Variants in CSMD3 observed in about 807,000 individuals in gnomAD.
CSMD3 encodes CUB and sushi domain-containing protein 3.
A neutral mutation model predicts 435.2 loss-of-function variants in CSMD3; 177 were observed. The ratio of observed to expected loss-of-function variants is 0.41; its 90% CI spans 0.36 to 0.46. The LOEUF (loss-of-function observed/expected upper bound fraction) is 0.46, where lower values mean the gene tolerates loss of function less well. Among genes scored for constraint, CSMD3 ranks in the 20% least tolerant of loss-of-function variants. The probability of loss-of-function intolerance (pLI) is 0.34; values close to 1 mark genes in which losing one functional copy is unlikely to be tolerated. For missense variants in CSMD3, 4,265 were observed against 4,504.6 expected, an observed-to-expected ratio of 0.95 and a Z score of 1.52; for synonymous variants, 1,656 against 1,520.5, an observed-to-expected ratio of 1.09 and a Z score of -2.07.
chr8:112,701,874 T>C (rs1277375689), intron 13 of CSMD3, among the ~76,000 whole-genome samples: 1 of 152,122 alleles, frequency 6.6e-6, no homozygotes, highest in East Asian at 1.9e-4. Flanking sequence ...ATTCTCTGAG[T>C]GTATAAAACA....
intron 3 of CSMD3, among the ~76,000 whole-genome samples, chr8:113,274,589 GA>G (rs2093555112): frequency 6.6e-6 from 1 of 152,012 alleles, no homozygotes; most frequent in Non-Finnish European, 1.5e-5. Context: ...TAGACAGTTT[GA>G]AAAATGTAGA....
intron 27 of CSMD3, among the ~76,000 whole-genome samples, chr8:112,537,515 C>A (rs1199149784): frequency 6.6e-6 from 1 of 151,720 alleles, no homozygotes; most frequent in African/African-American, 2.4e-5. Context: ...AAGAGAGAAG[C>A]CTCAGGTAAA....
intron 13 of CSMD3, among the ~76,000 whole-genome samples, chr8:112,773,539 C>G (rs1014276201): frequency 1.3e-5 from 2 of 152,126 alleles, no homozygotes; most frequent in Admixed American, 1.3e-4. Flanking sequence ...GCAACATGTA[C>G]AGCAAGACAA....
chr8:112,260,021 T>G (rs1298433999), intron 61 of CSMD3, among the ~76,000 whole-genome samples: 1 of 152,162 alleles, frequency 6.6e-6, no homozygotes, highest in Non-Finnish European at 1.5e-5. Flanking sequence ...ATCCGTGAAT[T>G]TTCATGTATA....
chr8:112,563,023 A>C (rs546426393), intron 24 of CSMD3, among the ~76,000 whole-genome samples: 1 of 151,874 alleles, frequency 6.6e-6, no homozygotes, highest in Non-Finnish European at 1.5e-5. Flanking sequence ...TTTAACTATA[A>C]AGCAGAATGT....
intron 4 of CSMD3, among the ~76,000 whole-genome samples, chr8:113,137,495 A>C (rs2091445555): frequency 6.6e-6 from 1 of 151,656 alleles, no homozygotes; most frequent in Non-Finnish European, 1.5e-5. Context: ...AGACTGAGTA[A>C]TTTATAAAAA....
chr8:113,386,593 T>G (rs533117404), intron 1 of CSMD3, among the ~76,000 whole-genome samples: 1 of 151,724 alleles, frequency 6.6e-6, no homozygotes, highest in African/African-American at 2.4e-5. Context: ...AAAATCATAT[T>G]TCACAAGCAA....
intron 45 of CSMD3, among the ~76,000 whole-genome samples, chr8:112,326,920 G>C (rs1020300279): frequency 1.3e-5 from 2 of 152,180 alleles, no homozygotes; most frequent in African/African-American, 2.4e-5. Flanking sequence ...TACTTGGGAG[G>C]CTGAGGCAGA....
intron 31 of CSMD3, among the ~76,000 whole-genome samples, chr8:112,483,899 A>T (rs1819868521): frequency 6.6e-6 from 1 of 152,146 alleles, no homozygotes; most frequent in Non-Finnish European, 1.5e-5. Flanking sequence ...ATTTTTCTCT[A>T]AGGATCAAGA....
chr8:113,101,749 G>T (rs901861047), intron 4 of CSMD3, among the ~76,000 whole-genome samples: 22 of 151,974 alleles, frequency 1.4e-4, no homozygotes, highest in African/African-American at 5.1e-4. Flanking sequence ...CTCTTGTACT[G>T]AGTTCTATGC....
chr8:113,025,990 C>T (rs1445894213), intron 5 of CSMD3, among the ~76,000 whole-genome samples: 1 of 152,140 alleles, frequency 6.6e-6, no homozygotes, highest in Non-Finnish European at 1.5e-5. Context: ...GGATGCACTA[C>T]AGCTATGGGT....
intron 1 of CSMD3, among the ~76,000 whole-genome samples, chr8:113,369,929 T>C (rs1194173602): frequency 6.6e-6 from 1 of 151,682 alleles, no homozygotes; most frequent in African/African-American, 2.4e-5. Flanking sequence ...GATTGGGAGA[T>C]GTTGGTAAAA....
intron 1 of CSMD3, among the ~76,000 whole-genome samples, chr8:113,372,193 G>T (rs564134740): frequency 3.9e-5 from 6 of 152,160 alleles, no homozygotes; most frequent in African/African-American, 1.4e-4. Flanking sequence ...AAGGTATTTT[G>T]TAATTTAAAA....
intron 13 of CSMD3, among the ~76,000 whole-genome samples, chr8:112,729,233 A>C (rs1319503771): frequency 6.6e-6 from 1 of 152,032 alleles, no homozygotes; most frequent in Non-Finnish European, 1.5e-5. Flanking sequence ...GCAAAAGAAC[A>C]AGAGTGTTCT....
At chr8:112,582,125 A>T (rs1412378717) in intron 23 of CSMD3, among the ~76,000 whole-genome samples, 2 of 151,990 alleles carry the variant, frequency 1.3e-5, no homozygotes, top group African/African-American at 4.8e-5. Context: ...ATGGTTTAGC[A>T]CCATCCCATT....
chr8:113,377,976 G>A (rs1408815032), intron 1 of CSMD3, among the ~76,000 whole-genome samples: 1 of 152,036 alleles, frequency 6.6e-6, no homozygotes, highest in Non-Finnish European at 1.5e-5. Flanking sequence ...GGATTTAAAT[G>A]GATAAACTAC....
chr8:113,192,571 C>G (rs903327443), intron 3 of CSMD3, among the ~76,000 whole-genome samples: 3 of 151,538 alleles, frequency 2.0e-5, no homozygotes, highest in African/African-American at 7.3e-5. Context: ...CACTTTTTCT[C>G]TTATTTCTAT....
chr8:113,143,518 T>C (rs774983074), intron 4 of CSMD3, among the ~76,000 whole-genome samples: 1 of 151,452 alleles, frequency 6.6e-6, no homozygotes, highest in Non-Finnish European at 1.5e-5. Flanking sequence ...AAACCTCATA[T>C]ACCCAATAGC....
chr8:113,377,174 C>G (rs2094390912), intron 1 of CSMD3: 1 of 1,219,026 alleles, frequency 8.2e-7, no homozygotes, highest in Non-Finnish European at 1.0e-6. Context: ...ACCCTGCAAA[C>G]CCTACATCCG....
Sources: allele counts gnomAD v4.1 joint callset (sites outside exome capture counted in the v4.1 genomes callset), GRCh38; gene constraint gnomAD v4.1.1; transcripts MANE v1.5; gene names NCBI Gene and HGNC (gene_info 2026-07-23, HGNC 2026-07-21).